RAMP1: variants seen among roughly 807,000 people sequenced by gnomAD.
The protein encoded by RAMP1 is receptor activity-modifying protein 1.
A neutral mutation model predicts 8.2 loss-of-function variants in RAMP1; 7 were observed. The observed-to-expected ratio is 0.85, with a 90% CI of 0.49 to 1.60. The LOEUF (loss-of-function observed/expected upper bound fraction) is 1.60. RAMP1 is among the 40% of genes most tolerant of loss of function. The pLI is 0.00. For synonymous variants in RAMP1, 92 were observed against 84.7 expected (o/e 1.09, Z -0.47); for missense variants, 192 against 202.4 (o/e 0.95, Z 0.31).
intron 1 of RAMP1, among the ~76,000 whole-genome samples, chr2:237,868,373 T>C (rs890095966): frequency 2.0e-5 from 3 of 152,122 alleles, no homozygotes; most frequent in African/African-American, 7.2e-5. Flanking sequence ...AGCAGTGATG[T>C]TGTTTTACAT....
chr2:237,894,597 G>T (rs768846517), intron 2 of RAMP1, among the ~76,000 whole-genome samples: 46 of 152,206 alleles, frequency 3.0e-4, no homozygotes, highest in Non-Finnish European at 6.5e-4. Context: ...CTGGCTAGGG[G>T]GTGAGACCCC....
At chr2:237,889,750 C>T (rs1220600295) in intron 2 of RAMP1, among the ~76,000 whole-genome samples, 2 of 152,222 alleles carry the variant, frequency 1.3e-5, no homozygotes, top group Non-Finnish European at 2.9e-5. Context: ...ACCTCAGCCT[C>T]CCAAATAGCT....
chr2:237,896,992 C>T (rs2062548762), intron 2 of RAMP1, among the ~76,000 whole-genome samples: 1 of 152,202 alleles, frequency 6.6e-6, no homozygotes, highest in Non-Finnish European at 1.5e-5. Context: ...TTTAAATGTC[C>T]TGGGGGTGTG....
intron 2 of RAMP1, among the ~76,000 whole-genome samples, chr2:237,902,163 G>T (rs888579773): frequency 6.6e-6 from 1 of 152,102 alleles, no homozygotes; most frequent in Admixed American, 6.5e-5. Context: ...CTCCTCCGGG[G>T]GCTGGTAAGG....
chr2:237,868,590 C>CAAAAAAAAAAAAAAAAAAAAAA (rs371059895), intron 1 of RAMP1, among the ~76,000 whole-genome samples: 1 of 135,654 alleles, frequency 7.4e-6, no homozygotes. Context: ...AAAAAAAAAA[C>CAAAAAAAAAAAAAAAAAAAAAA]AAAAAAAAAA....
Position 237,878,015 on chromosome 2 carries a change from A to T in RAMP1, c.191+653A>T. ...CAGGCCCAGGCTCCTCTGCCTCCAG[A>T]GCGGCGATCAGAACTCGGCATGTCC... is the stretch of plus-strand genomic sequence containing the variant. On this transcript the variant is annotated intron_variant, in intron 2 of 2. Transcript: ENST00000254661. This position sits in a 1 kb window ranked among gnomAD's most constrained non-coding sequence, Gnocchi z 5.7. 7 of 985,378 alleles carry T rather than the reference A, an allele frequency of 7.1e-6. No homozygotes were observed. Among genetic ancestry groups the T allele is most frequent in the Non-Finnish European group, 8.4e-6 (7 of 829,916 alleles). The allele number at this position is 985,378 out of a possible 1,614,324, so 61.0% of individuals were successfully genotyped here. A position where few individuals can be genotyped will look rare whatever the true frequency, so the allele number is the denominator to read the frequency against.
chr2:237,902,584 G>A (rs907000369), intron 2 of RAMP1, among the ~76,000 whole-genome samples: 1 of 152,044 alleles, frequency 6.6e-6, no homozygotes, highest in Non-Finnish European at 1.5e-5. Context: ...GTCCCGCGGG[G>A]CCCCCAGTTC....
chr2:237,902,177 C>G (rs73094332), intron 2 of RAMP1, among the ~76,000 whole-genome samples: 8,254 of 152,006 alleles, frequency 0.054, 349 homozygotes, highest in African/African-American at 0.11. Context: ...GGTAAGGGCC[C>G]GGGGTCTTCA....
At chr2:237,888,062 G>T (rs534671609) in intron 2 of RAMP1, among the ~76,000 whole-genome samples, 28 of 151,572 alleles carry the variant, frequency 1.8e-4, no homozygotes, top group Admixed American at 3.3e-4. Context: ...GTTCTGGGGG[G>T]TTTTTTTTTG....
At chr2:237,911,437 A>AT (rs943602586) in intron 2 of RAMP1, 91 bp from the exon 3 acceptor site, 9 of 1,522,692 alleles carry the variant, frequency 5.9e-6, no homozygotes, top group Admixed American at 1.8e-5. Flanking sequence ...TCAGGGCTGC[A>AT]TGAGGGGCCA....
At chr2:237,875,037 G>A (rs1049377605) in intron 1 of RAMP1, among the ~76,000 whole-genome samples, 3 of 152,116 alleles carry the variant, frequency 2.0e-5, no homozygotes, top group African/African-American at 4.8e-5. Flanking sequence ...ACAGAGGGAC[G>A]ATTCTCCAAT....
At position 237,865,885 on chromosome 2, in the gene RAMP1, G is replaced by A. The variant is rs1477504330; in HGVS notation, c.52+6158G>A. ...GCAGATGGCAGGGTCCTTTGCAGGA[G>A]AGGCAGCGGCGAAAGCTGCCCTTAG... On this transcript the variant is annotated intron_variant, in intron 1 of 2. Transcript: ENST00000254661. The surrounding 1 kb of genome is among the most constrained non-coding windows in gnomAD (Gnocchi z 4.2). Among the ~76,000 whole-genome samples the A allele has an allele frequency of 6.6e-6, 1 of 152,004 alleles. No individual in the cohort carries two copies. The highest frequency in any genetic ancestry group is 1.5e-5 in the Non-Finnish European group (1 of 68,028).
intron 2 of RAMP1, among the ~76,000 whole-genome samples, chr2:237,893,491 CTG>C (rs1328734230): frequency 2.6e-5 from 4 of 152,214 alleles, no homozygotes; most frequent in African/African-American, 4.8e-5. Context: ...TCTGTCCCCT[CTG>C]TGCTCCAGTG....
chr2:237,864,931 G>A (rs1018340632), intron 1 of RAMP1, among the ~76,000 whole-genome samples: 3 of 152,228 alleles, frequency 2.0e-5, no homozygotes, highest in Admixed American at 2.0e-4. Context: ...GCATGGTGGG[G>A]AAGAGGGCTT....
At chr2:237,887,467 C>T (rs2062445735) in intron 2 of RAMP1, among the ~76,000 whole-genome samples, 1 of 152,222 alleles carries the variant, frequency 6.6e-6, no homozygotes, top group East Asian at 1.9e-4. Context: ...TCTGAGTCCA[C>T]TCTTGTTTCA....
chr2:237,895,255 A>C (rs2062528759), intron 2 of RAMP1, among the ~76,000 whole-genome samples: 1 of 151,846 alleles, frequency 6.6e-6, no homozygotes, highest in African/African-American at 2.4e-5. Context: ...TCACATGCCC[A>C]CCCCCTGCTG....
At chr2:237,898,266 G>A (rs1301240626) in intron 2 of RAMP1, among the ~76,000 whole-genome samples, 1 of 152,228 alleles carries the variant, frequency 6.6e-6, no homozygotes, top group Non-Finnish European at 1.5e-5. Context: ...TGCATGCAGT[G>A]ATGACACTTA....
intron 2 of RAMP1, among the ~76,000 whole-genome samples, chr2:237,887,517 GAA>G (rs1428840181): frequency 1.3e-5 from 2 of 152,230 alleles, no homozygotes; most frequent in African/African-American, 2.4e-5. Context: ...TGCACTTTCT[GAA>G]AAAGAGACTG....
chr2:237,896,134 C>T (rs1270793436), intron 2 of RAMP1, among the ~76,000 whole-genome samples: 1 of 152,224 alleles, frequency 6.6e-6, no homozygotes, highest in East Asian at 1.9e-4. Context: ...ATGCAGCCAG[C>T]ATAGGACAGT....
Sources: gnomAD v4.1 joint callset for allele counts (sites outside exome capture counted in the v4.1 genomes callset) on GRCh38, gnomAD v4.1.1 for gene constraint, Gnocchi (gnomAD v3.1) non-coding constraint, MANE v1.5 for transcripts, NCBI Gene and HGNC (gene_info 2026-07-23, HGNC 2026-07-21) for gene names.